NAV3: variants seen among roughly 807,000 people sequenced by gnomAD.
NAV3 encodes neuron navigator 3, also known as pore membrane and/or filament interacting like protein 1.
A neutral mutation model predicts 244.7 loss-of-function variants in NAV3; 87 were observed. That is an observed-to-expected ratio of 0.36 (90% CI 0.30 to 0.42). NAV3 has a LOEUF of 0.42. NAV3 is among the 20% of genes least tolerant of loss of function. NAV3 has a pLI of 1.00. For synonymous variants in NAV3, 1,126 were observed against 1,042.2 expected (o/e 1.08, Z -1.55); for missense variants, 2,663 against 2,893.3 (o/e 0.92, Z 1.83).
rs1404290391 is a variant in NAV3, at chr12:78,006,453, A to G, written c.915A>G (p.Val305=). Residue 305 remains valine (V), a synonymous_variant, in exon 8 of 40, where the codon GTA becomes GTG. Coordinates refer to ENST00000397909, the MANE Select transcript of NAV3 (RefSeq NM_001024383.2). ...AAGGACCTCAATCGTCTTCAGGTGT[A>G]AATGGTAACGTGCAGCCTCCCAGTA... is the stretch of plus-strand genomic sequence containing the variant. ...SSKGPQSSSG[V]NGNVQPPSTA... 1.2e-6 allele frequency: 2 copies of G among 1,614,018 alleles called. No homozygotes were observed. Among genetic ancestry groups the G allele is most frequent in the African/African-American group, 2.7e-5 (2 of 74,938 alleles).
At chr12:77,870,527 A>G (rs959792272) in intron 1 of NAV3, among the ~76,000 whole-genome samples, 1 of 152,162 alleles carries the variant, frequency 6.6e-6, no homozygotes, top group African/African-American at 2.4e-5. Flanking sequence ...ACATTTAGGA[A>G]TCGGGATAAA....
At chr12:77,584,743 G>T (rs1475464938) in intron 2 of NAV3, among the ~76,000 whole-genome samples, 1 of 152,118 alleles carries the variant, frequency 6.6e-6, no homozygotes, top group Non-Finnish European at 1.5e-5. Context: ...TTAGGATTTA[G>T]AATTTTGGAT....
intron 2 of NAV3, among the ~76,000 whole-genome samples, chr12:77,773,795 A>T (rs1424397280): frequency 6.6e-6 from 1 of 152,162 alleles, no homozygotes; most frequent in Non-Finnish European, 1.5e-5. Flanking sequence ...GTATTCATCC[A>T]CTTAATTGTG....
At chr12:77,745,434 A>G (rs968710231) in intron 2 of NAV3, among the ~76,000 whole-genome samples, 1 of 152,070 alleles carries the variant, frequency 6.6e-6, no homozygotes, top group African/African-American at 2.4e-5. Flanking sequence ...GGGGTAAGCA[A>G]TGAACACAGA....
chr12:78,013,823 T>G (rs1025836991), intron 8 of NAV3, among the ~76,000 whole-genome samples: 1 of 151,940 alleles, frequency 6.6e-6, no homozygotes, highest in African/African-American at 2.4e-5. Flanking sequence ...TCGAAGGAGG[T>G]TCCAGTTATT....
At chr12:78,136,288 A>C (rs1956371035) in intron 18 of NAV3, among the ~76,000 whole-genome samples, 1 of 152,204 alleles carries the variant, frequency 6.6e-6, no homozygotes, top group Admixed American at 6.5e-5. Flanking sequence ...CTTTTCTTAA[A>C]TATGAGCATT....
At chr12:77,780,582 G>T (rs972124240) in intron 2 of NAV3, among the ~76,000 whole-genome samples, 1 of 152,140 alleles carries the variant, frequency 6.6e-6, no homozygotes, top group Non-Finnish European at 1.5e-5. Flanking sequence ...AAGTTTGTGC[G>T]AAGATTGGTC....
chr12:78,027,230 G>A (rs945962427), intron 9 of NAV3, among the ~76,000 whole-genome samples: 2 of 151,690 alleles, frequency 1.3e-5, no homozygotes, highest in Admixed American at 6.6e-5. Context: ...GAAGCCAGGA[G>A]TTCAAGACCA....
At chr12:77,615,242 ATTTAT>A (rs1382400999) in intron 2 of NAV3, among the ~76,000 whole-genome samples, 2 of 152,120 alleles carry the variant, frequency 1.3e-5, no homozygotes, top group African/African-American at 4.8e-5. Flanking sequence ...TTAATGAAGT[ATTTAT>A]TTTATTTATT....
chr12:77,984,666 A>G (rs895683645), intron 5 of NAV3, among the ~76,000 whole-genome samples: 18 of 152,164 alleles, frequency 1.2e-4, no homozygotes, highest in African/African-American at 4.3e-4. Context: ...CCTTGCTATT[A>G]ACCAATGTAT....
At position 78,205,010 on chromosome 12, in the gene NAV3, C is replaced by T. The variant is rs776461679; in HGVS notation, c.6910C>T (p.Leu2304=). 27 of 1,613,620 alleles carry T rather than the reference C, an allele frequency of 1.7e-5. No individual in the cohort carries two copies. The highest frequency in any genetic ancestry group is 2.1e-5 in the Non-Finnish European group (25 of 1,179,766). Residue 2304 remains leucine (L), a synonymous_variant, in exon 39 of 40, where the codon CTG becomes TTG. Transcript: ENST00000397909. ...LDTYPWSSAT[L]PQESPALLQL... is the part of the protein sequence containing the mutation. ...CACATATCCATGGAGCTCAGCAACT[C>T]TGCCTCAGGAGAGCCCAGCCTTACT... is the stretch of plus-strand genomic sequence containing the variant.
At chr12:77,984,370 T>C (rs1870097131) in intron 5 of NAV3, among the ~76,000 whole-genome samples, 1 of 152,270 alleles carries the variant, frequency 6.6e-6, no homozygotes, top group South Asian at 2.1e-4. Context: ...AACCAAGGGA[T>C]GTGGTATTAG....
intron 2 of NAV3, among the ~76,000 whole-genome samples, chr12:77,617,880 C>A (rs1417821691): frequency 6.6e-6 from 1 of 152,138 alleles, no homozygotes; most frequent in South Asian, 2.1e-4. Context: ...TTAAATTTTA[C>A]AATTTTCAAG....
At chr12:78,028,113 C>T (rs1165499326) in intron 9 of NAV3, among the ~76,000 whole-genome samples, 4 of 152,066 alleles carry the variant, frequency 2.6e-5, no homozygotes, top group African/African-American at 9.7e-5. Context: ...TGTTGAAGGT[C>T]TCCATTGAAA....
intron 5 of NAV3, among the ~76,000 whole-genome samples, chr12:77,991,808 G>A (rs1262506904): frequency 2.0e-5 from 3 of 152,124 alleles, no homozygotes; most frequent in African/African-American, 4.8e-5. Context: ...CGAGGTGAGC[G>A]GATCAAGAGG....
At chr12:77,717,280 C>CCT (rs1270392235) in intron 2 of NAV3, among the ~76,000 whole-genome samples, 3 of 152,016 alleles carry the variant, frequency 2.0e-5, no homozygotes, top group Non-Finnish European at 2.9e-5. Flanking sequence ...TCCCTATTTT[C>CCT]CTCTCTCCTC....
intron 1 of NAV3, among the ~76,000 whole-genome samples, chr12:77,929,026 G>C (rs1888510569): frequency 6.6e-6 from 1 of 152,172 alleles, no homozygotes; most frequent in African/African-American, 2.4e-5. Flanking sequence ...GTAGCCTGCT[G>C]TGGTGAATTC....
intron 2 of NAV3, among the ~76,000 whole-genome samples, chr12:77,696,880 AT>A (rs1875329604): frequency 1.3e-5 from 2 of 152,102 alleles, no homozygotes; most frequent in African/African-American, 2.4e-5. Flanking sequence ...ACTCATGTAC[AT>A]TTACTAATTA....
chr12:77,602,071 A>G (rs929352362), intron 2 of NAV3, among the ~76,000 whole-genome samples: 1 of 152,008 alleles, frequency 6.6e-6, no homozygotes, highest in African/African-American at 2.4e-5. Context: ...AACTATGGAT[A>G]ATAGGGAGTT....
Sources: gnomAD v4.1 joint callset for allele counts (sites outside exome capture counted in the v4.1 genomes callset) on GRCh38, gnomAD v4.1.1 for gene constraint, MANE v1.5 for transcripts, NCBI Gene and HGNC (gene_info 2026-07-23, HGNC 2026-07-21) for gene names.